The following TMEM144 variants were observed in gnomAD, a reference collection of about 807,000 sequenced individuals.
TMEM144 encodes transmembrane protein 144.
TMEM144 carries 39 observed loss-of-function variants against 43.6 expected under a neutral mutation model. That is an observed-to-expected ratio of 0.90 (90% CI 0.69 to 1.17). TMEM144 has a LOEUF of 1.17. Among genes scored for constraint, TMEM144 ranks in the 50% most tolerant of loss-of-function variants. The pLI is 0.00. For missense variants in TMEM144, 417 were observed against 411.9 expected (o/e 1.01, Z -0.11); for synonymous variants, 154 against 133.6 (o/e 1.15, Z -1.06).
At chr4:158,219,122 T>A (rs563745965) in intron 5 of TMEM144, among the ~76,000 whole-genome samples, 188 bp from the exon 6 acceptor site, 267 of 151,562 alleles carry the variant, frequency 1.8e-3, no homozygotes, top group African/African-American at 3.9e-3. Flanking sequence ...CAAAAAAAAA[T>A]TTTTTTTTAA....
intron 6 of TMEM144, among the ~76,000 whole-genome samples, chr4:158,227,824 G>A (rs1734851395): frequency 6.7e-6 from 1 of 150,358 alleles, no homozygotes; most frequent in African/African-American, 2.5e-5. Context: ...CTTCAATGCT[G>A]GCCAGTCTAC....
In TMEM144 at chr4:158,219,365, A is replaced by G. The variant is rs769750696; in HGVS notation, c.388A>G (p.Ile130Val). The G allele has an allele frequency of 6.2e-6, 10 of 1,613,798 alleles. No individual in the cohort carries two copies. The highest frequency in any genetic ancestry group is 7.6e-6 in the Non-Finnish European group (9 of 1,179,838). Residue 130 changes from isoleucine to valine, a missense_variant, in exon 6 of 13, where the codon ATT (isoleucine) becomes GTT (valine). Ile to Val is a conservative substitution (Grantham distance 29, BLOSUM62 3). Transcript: ENST00000296529. Reference protein sequence around the residue: ...EEVSNPLLNYIGAGLSVVSAF... With the variant: ...EEVSNPLLNYVGAGLSVVSAF... Reference sequence around the variant, plus strand: ...AGTATCAAATCCGCTGCTAAATTACATTGGAGCTGGGCTATCAGTAGTAAG... The same window carrying G: ...AGTATCAAATCCGCTGCTAAATTACGTTGGAGCTGGGCTATCAGTAGTAAG...
intron 1 of TMEM144, 199 bp from the exon 2 acceptor site, chr4:158,211,254 G>T (rs1733946017): frequency 6.6e-6 from 1 of 152,196 alleles, no homozygotes; most frequent in Non-Finnish European, 1.5e-5. Flanking sequence ...ACTCTAATTA[G>T]CACGTCAAAT....
Position 158,235,499 on chromosome 4 carries a change from G to A in TMEM144, c.557G>A (p.Arg186His), listed in dbSNP as rs867218453. The A allele has an allele frequency of 9.9e-6, 16 of 1,612,734 alleles. No individual in the cohort carries two copies. Among genetic ancestry groups the A allele is most frequent in the Middle Eastern group, 1.6e-4 (1 of 6,076 alleles). The change falls in exon 8 of 13, where the codon CGC (arginine) becomes CAC (histidine). Residue 186 changes from arginine (R) to histidine (H), a missense_variant. Arg to His is a conservative substitution (Grantham distance 29). Coordinates refer to ENST00000296529, the MANE Select transcript of TMEM144 (RefSeq NM_018342.5). ...GATAAACTTTCTACAGTACACCACC[G>A]CATAGTGTAAGGAGAGGTTACTTCT... Reference protein sequence around the residue: ...WVDKLSTVHHRIVGCSLAVIS... With the variant: ...WVDKLSTVHHHIVGCSLAVIS...
chr4:158,235,453 C>T lies in TMEM144; in HGVS notation c.511C>T (p.Gln171Ter), dbSNP rs1208899920. 1.2e-6 allele frequency: 2 copies of T among 1,613,832 alleles called. No homozygotes were observed. The highest frequency in any genetic ancestry group is 2.7e-5 in the African/African-American group (2 of 74,910). Reference protein sequence around the residue: ...LITEHVINTTQDPCSWVDKLS... With the variant: ...LITEHVINTT ...TTTTCAATAGGTGATCAACACAACC[C>T]AAGACCCCTGTTCCTGGGTGGATAA... Residue 171 changes from glutamine (Q) to a stop codon, truncating the protein, a stop_gained, in exon 8 of 13, where the codon CAA becomes TAA. Transcript: ENST00000296529. LOFTEE classifies it high-confidence loss of function.
chr4:158,217,541 C>G, intron 5 of TMEM144, 121 bp downstream of exon 5: 1 of 661,190 alleles, frequency 1.5e-6, no homozygotes, highest in East Asian at 2.7e-5. Context: ...GCTGGTAAAA[C>G]ATACACATCA....
In TMEM144 at chr4:158,215,253, A is replaced by G. The variant is rs142339373; in HGVS notation, c.172A>G (p.Ile58Val). ...IWLVALVVNL[I>V]LHCPKFWPFA... ...GTTGGTTGCCTTGGTTGTCAATCTG[A>G]TATTACATTGTCCAAAGTTTTGGCC... Residue 58 changes from isoleucine to valine, a missense_variant, in exon 4 of 13, where the codon ATA (isoleucine) becomes GTA (valine). Coordinates refer to ENST00000296529, the MANE Select transcript of TMEM144 (RefSeq NM_018342.5). 47 of 1,613,854 alleles carry G rather than the reference A, an allele frequency of 2.9e-5. No homozygotes were observed. The African/African-American group carries it at 4.8e-4, about 16-fold the overall frequency.
rs1021142554 is a variant in TMEM144, at chr4:158,215,242, T to C, written c.161T>C (p.Val54Ala). Residue 54 changes from valine (V) to alanine (A), a missense_variant, in exon 4 of 13, where the codon GTT (valine) becomes GCT (alanine). Val to Ala is a moderately conservative substitution (Grantham distance 64). Transcript: ENST00000296529. ...LCAAIWLVAL[V>A]VNLILHCPKF... ...GCTGCCATATGGTTGGTTGCCTTGGTTGTCAATCTGATATTACATTGTCCA... is the reference window on the plus strand; with the variant it reads ...GCTGCCATATGGTTGGTTGCCTTGGCTGTCAATCTGATATTACATTGTCCA... 1 of 1,613,838 alleles carries C rather than the reference T, an allele frequency of 6.2e-7. No homozygotes were observed. Among genetic ancestry groups the C allele is most frequent in the African/African-American group, 1.3e-5 (1 of 74,936 alleles).
chr4:158,235,454 A>G lies in TMEM144; in HGVS notation c.512A>G (p.Gln171Arg). Residue 171 changes from glutamine (Q) to arginine (R), a missense_variant, in exon 8 of 13, where the codon CAA becomes CGA. Gln to Arg is a conservative substitution (Grantham distance 43, BLOSUM62 1). Coordinates refer to ENST00000296529, the MANE Select transcript of TMEM144 (RefSeq NM_018342.5). ...LITEHVINTT[Q>R]DPCSWVDKLS... ...TTTCAATAGGTGATCAACACAACCC[A>G]AGACCCCTGTTCCTGGGTGGATAAA... 1 of 1,614,034 alleles carries G rather than the reference A, an allele frequency of 6.2e-7. No individual in the cohort carries two copies. The highest frequency in any genetic ancestry group is 8.5e-7 in the Non-Finnish European group (1 of 1,179,934).
Position 158,221,314 on chromosome 4 carries a change from C to A in TMEM144, c.413+1924C>A, listed in dbSNP as rs143682475. ...TACTGCTGAATTGCCTCTGCCTGAC[C>A]GACTGCTCCTGCTGAAACTACTGGA... On this transcript the variant is annotated intron_variant, in intron 6 of 12. Transcript: ENST00000296529. 2.7e-4 allele frequency among the ~76,000 whole-genome samples: 41 copies of A among 152,248 alleles called. No individual in the cohort carries two copies. In the East Asian group the frequency reaches 7.9e-3, roughly 29 times the overall value.
intron 12 of TMEM144, among the ~76,000 whole-genome samples, chr4:158,245,799 A>G (rs1052123684): frequency 4.6e-5 from 7 of 152,050 alleles, no homozygotes; most frequent in African/African-American, 1.7e-4. Context: ...GTGGTGAGGA[A>G]CACTTGTAGT....
chr4:158,221,578 C>T (rs1734512854), intron 6 of TMEM144, among the ~76,000 whole-genome samples: 1 of 152,176 alleles, frequency 6.6e-6, no homozygotes, highest in South Asian at 2.1e-4. Context: ...TATAACAAGA[C>T]AGATGTCCTT....
In TMEM144 at chr4:158,253,592, T is replaced by G; in HGVS notation, c.*65T>G. On this transcript the variant is annotated 3_prime_UTR_variant, in exon 13 of 13. Transcript: ENST00000296529. ...ACGCGTCTATCGGACAGCGGAGAGATCATGCTGAGAAAAGAGTGCATTTTC... is the reference window on the plus strand; with the variant it reads ...ACGCGTCTATCGGACAGCGGAGAGAGCATGCTGAGAAAAGAGTGCATTTTC... 7.4e-7 allele frequency: 1 copy of G among 1,350,640 alleles called. No individual in the cohort carries two copies. The allele number at this position is 1,350,640 out of a possible 1,614,324, so 83.7% of individuals were successfully genotyped here.
chr4:158,252,828 A>G (rs1736277693), intron 12 of TMEM144, among the ~76,000 whole-genome samples: 1 of 151,762 alleles, frequency 6.6e-6, no homozygotes, highest in Non-Finnish European at 1.5e-5. Context: ...AAAAAGAAAA[A>G]AAGAAAAAAA....
At chr4:158,252,309 T>G (rs1449609068) in intron 12 of TMEM144, among the ~76,000 whole-genome samples, 1 of 152,138 alleles carries the variant, frequency 6.6e-6, no homozygotes, top group Non-Finnish European at 1.5e-5. Context: ...GAAGTCATTC[T>G]TCACACCCTC....
intron 12 of TMEM144, among the ~76,000 whole-genome samples, chr4:158,252,105 T>C (rs1379423495): frequency 6.6e-6 from 1 of 152,178 alleles, no homozygotes; most frequent in Non-Finnish European, 1.5e-5. Context: ...AGGATTTATC[T>C]TGTGGGAGAG....
At chr4:158,217,569 T>G (rs1490659153) in intron 5 of TMEM144, 149 bp downstream of exon 5, 1 of 578,592 alleles carries the variant, frequency 1.7e-6, no homozygotes, top group East Asian at 2.8e-5. Flanking sequence ...CACCTTCTAT[T>G]GCTATTTGCC....
chr4:158,245,213 AGTGT>A (rs759486531), intron 12 of TMEM144, among the ~76,000 whole-genome samples: 2 of 125,598 alleles, frequency 1.6e-5, no homozygotes, highest in East Asian at 2.3e-4. Context: ...TTCTAGTAAG[AGTGT>A]GTGTGTGTGT....
At chr4:158,217,520 C>T in intron 5 of TMEM144, 100 bp downstream of exon 5, 2 of 859,588 alleles carry the variant, frequency 2.3e-6, no homozygotes, top group Admixed American at 4.1e-5. Context: ...CTTATTCTCA[C>T]AGAGTTTATA....
Sources: gnomAD v4.1 joint callset for allele counts (sites outside exome capture counted in the v4.1 genomes callset) on GRCh38, gnomAD v4.1.1 for gene constraint, MANE v1.5 for transcripts, NCBI Gene and HGNC (gene_info 2026-07-23, HGNC 2026-07-21) for gene names.